PRKCA: variants seen among roughly 807,000 people sequenced by gnomAD.
PRKCA encodes the protein protein kinase C alpha type.
In PRKCA, 27 loss-of-function variants were observed where a neutral mutation model predicts 87.0. The ratio of observed to expected loss-of-function variants is 0.31; its 90% confidence interval spans 0.23 to 0.43. PRKCA has a LOEUF of 0.43. Ranked by LOEUF, PRKCA falls within the 20% of genes least tolerant of loss-of-function variation. The probability of loss-of-function intolerance (pLI) is 1.00; values close to 1 mark genes in which losing one functional copy is unlikely to be tolerated. For missense variants in PRKCA, 518 were observed against 852.3 expected (o/e 0.61, Z 4.88); for synonymous variants, 329 against 311.1 (o/e 1.06, Z -0.61).
intron 2 of PRKCA, among the ~76,000 whole-genome samples, chr17:66,445,244 C>T (rs1410550676): frequency 2.3e-4 from 35 of 152,144 alleles, no homozygotes; most frequent in Admixed American, 2.3e-3. Context: ...TCCACTTGAC[C>T]AGGAGTGTTT....
At chr17:66,418,134 G>A (rs1174294589) in intron 2 of PRKCA, among the ~76,000 whole-genome samples, 1 of 152,166 alleles carries the variant, frequency 6.6e-6, no homozygotes, top group East Asian at 1.9e-4. Flanking sequence ...GTGCAGGTGT[G>A]AAGGAAGGAC....
intron 5 of PRKCA, among the ~76,000 whole-genome samples, chr17:66,679,327 T>C (rs1972427627): frequency 6.6e-6 from 1 of 151,960 alleles, no homozygotes; most frequent in African/African-American, 2.4e-5. Context: ...ACTACAGGCG[T>C]CCGCCACCAC....
At chr17:66,503,473 C>G (rs549917048) in intron 3 of PRKCA, among the ~76,000 whole-genome samples, 61 of 152,242 alleles carry the variant, frequency 4.0e-4, no homozygotes, top group African/African-American at 1.2e-3. Flanking sequence ...TTGCTTCAGA[C>G]CTGGGTACAC....
chr17:66,764,842 C>G (rs2094909072), intron 13 of PRKCA, among the ~76,000 whole-genome samples: 1 of 152,192 alleles, frequency 6.6e-6, no homozygotes, highest in Admixed American at 6.5e-5. Flanking sequence ...CCACATTGGC[C>G]CACAAGTGCC....
chr17:66,715,813 G>A (rs1055055026), intron 8 of PRKCA, among the ~76,000 whole-genome samples: 2 of 151,942 alleles, frequency 1.3e-5, no homozygotes, highest in African/African-American at 2.4e-5. Flanking sequence ...ACTTCACCTC[G>A]GTAAGGCAGA....
intron 13 of PRKCA, among the ~76,000 whole-genome samples, chr17:66,749,253 T>C (rs1328287764): frequency 1.3e-5 from 2 of 151,612 alleles, no homozygotes; most frequent in Non-Finnish European, 2.9e-5. Flanking sequence ...AGCACCTGCC[T>C]CCCCGCCCCA....
At chr17:66,650,183 C>T (rs78437287) in intron 5 of PRKCA, among the ~76,000 whole-genome samples, 1 of 152,188 alleles carries the variant, frequency 6.6e-6, no homozygotes, top group Non-Finnish European at 1.5e-5. Context: ...CCCAAAGTAA[C>T]GTAGAAACTC....
intron 2 of PRKCA, among the ~76,000 whole-genome samples, chr17:66,433,466 G>A (rs1050942858): frequency 1.3e-5 from 2 of 152,220 alleles, no homozygotes; most frequent in African/African-American, 4.8e-5. Flanking sequence ...GTGTTTGCTT[G>A]TTTATGGATG....
At chr17:66,576,743 C>T (rs1352891223) in intron 3 of PRKCA, among the ~76,000 whole-genome samples, 1 of 152,120 alleles carries the variant, frequency 6.6e-6, no homozygotes, top group Non-Finnish European at 1.5e-5. Context: ...GTGGCCTGTT[C>T]CTGTCTCCTG....
At chr17:66,523,893 TCTGA>T (rs1342586680) in intron 3 of PRKCA, among the ~76,000 whole-genome samples, 1 of 152,172 alleles carries the variant, frequency 6.6e-6, no homozygotes, top group Non-Finnish European at 1.5e-5. Context: ...AATACAAGAC[TCTGA>T]CTAATTACTA....
intron 3 of PRKCA, among the ~76,000 whole-genome samples, chr17:66,609,538 G>A (rs1220430974): frequency 6.6e-6 from 1 of 152,160 alleles, no homozygotes; most frequent in Non-Finnish European, 1.5e-5. Context: ...TTACCACAGT[G>A]TATAGATAAG....
chr17:66,612,109 A>C (rs1180726917), intron 3 of PRKCA, among the ~76,000 whole-genome samples: 4 of 151,718 alleles, frequency 2.6e-5, no homozygotes, highest in Non-Finnish European at 4.4e-5. Context: ...GGCCAGATTC[A>C]GTGGCTCATG....
intron 2 of PRKCA, among the ~76,000 whole-genome samples, chr17:66,318,620 C>T (rs1036344342): frequency 6.6e-5 from 10 of 152,086 alleles, no homozygotes; most frequent in Middle Eastern, 3.4e-3. Flanking sequence ...TTTGGGAGGC[C>T]GAGGTGGGCA....
intron 2 of PRKCA, among the ~76,000 whole-genome samples, chr17:66,427,281 CT>C (rs1310801183): frequency 6.6e-6 from 1 of 152,244 alleles, no homozygotes; most frequent in Admixed American, 6.5e-5. Flanking sequence ...ATCCACCCGC[CT>C]TGGCCTCCCA....
At chr17:66,347,818 G>A (rs966724150) in intron 2 of PRKCA, among the ~76,000 whole-genome samples, 1 of 151,878 alleles carries the variant, frequency 6.6e-6, no homozygotes, top group Non-Finnish European at 1.5e-5. Context: ...CCATATTGTA[G>A]TTGTTCTTTT....
In PRKCA at chr17:66,645,436, G is replaced by A. The variant is rs781720378; in HGVS notation, c.454G>A (p.Gly152Arg). 2.1e-5 allele frequency: 34 copies of A among 1,614,168 alleles called. No individual in the cohort carries two copies. Among genetic ancestry groups the A allele is most frequent in the Admixed American group, 3.3e-5 (2 of 60,028 alleles). ...CGTCATCAATGTCCCCAGCCTCTGC[G>A]GAATGGATCACACTGAGAAGAGGGG... Reference protein sequence around the residue: ...QCVINVPSLCGMDHTEKRGRI... With the variant: ...QCVINVPSLCRMDHTEKRGRI... Residue 152 changes from glycine to arginine, a missense_variant, in exon 5 of 17, where the codon GGA becomes AGA. Gly to Arg is a moderately radical substitution (Grantham distance 125). This residue lies in a region of PRKCA where 300 missense variants were observed against 496.8 expected (regional missense o/e 0.60). Coordinates refer to ENST00000413366, the MANE Select transcript of PRKCA (RefSeq NM_002737.3).
chr17:66,462,925 A>AACACACACACAC (rs58085398), intron 2 of PRKCA, among the ~76,000 whole-genome samples: 5 of 147,548 alleles, frequency 3.4e-5, no homozygotes, highest in Admixed American at 2.0e-4. Flanking sequence ...CACACATGCA[A>AACACACACACAC]ACACACACAC....
chr17:66,785,982 C>T (rs1975376340), intron 14 of PRKCA, among the ~76,000 whole-genome samples: 1 of 152,214 alleles, frequency 6.6e-6, no homozygotes, highest in Non-Finnish European at 1.5e-5. Flanking sequence ...GCGCTCGCCA[C>T]CATGCCCGGC....
chr17:66,746,895 C>T (rs1202520360), intron 13 of PRKCA, among the ~76,000 whole-genome samples: 1 of 152,248 alleles, frequency 6.6e-6, no homozygotes, highest in South Asian at 2.1e-4. Flanking sequence ...GTGATCCAGT[C>T]ACAAGTCAAG....
Sources: allele counts gnomAD v4.1 joint callset (sites outside exome capture counted in the v4.1 genomes callset), GRCh38; gene constraint gnomAD v4.1.1; regional missense constraint gnomAD v4.1.1; transcripts MANE v1.5; gene names NCBI Gene and HGNC (gene_info 2026-07-23, HGNC 2026-07-21).